The following NOX5 variants were observed in gnomAD, a reference collection of about 807,000 sequenced individuals.
The protein encoded by NOX5 is NADPH oxidase 5.
A neutral mutation model predicts 85.7 loss-of-function variants in NOX5; 76 were observed. The ratio of observed to expected loss-of-function variants is 0.89; its 90% CI spans 0.74 to 1.07. The LOEUF (loss-of-function observed/expected upper bound fraction) is 1.07. Among genes scored for constraint, NOX5 ranks in the 50% least tolerant of loss-of-function variants. NOX5 has a pLI of 0.00. For missense variants in NOX5, 973 were observed against 999.5 expected (o/e 0.97, Z 0.36); for synonymous variants, 405 against 401.4 (o/e 1.01, Z -0.11).
chr15:69,045,795 C>G lies in NOX5; in HGVS notation c.1648-1027C>G, dbSNP rs117918211. ...CATTAGCCAGAATGGAAGGCTTTCT[C>G]GTTGCCATCAGAAGGACTAAAGAAA... is the stretch of plus-strand genomic sequence containing the variant. On this transcript the variant is annotated intron_variant, in intron 10 of 15. Coordinates refer to ENST00000388866, the MANE Select transcript of NOX5 (RefSeq NM_024505.4). Among the ~76,000 whole-genome samples, 5 of 152,050 alleles carry G rather than the reference C, an allele frequency of 3.3e-5. 1 individual carries two copies. In the South Asian group the frequency reaches 1.0e-3, roughly 32 times the overall value.
At position 69,033,238 on chromosome 15, in the gene NOX5, C is replaced by CTG; in HGVS notation, c.817_818dup (p.Gly274AlafsTer15). On this transcript the variant is annotated frameshift_variant, in exon 5 of 16. Transcript: ENST00000388866. LOFTEE classifies it high-confidence loss of function. ...GCGCCAGCGTCATGGTGGCCAAGGGCTGCGGCCAGTGCCTCAACTTCGACT... is the reference window on the plus strand; with the variant it reads ...GCGCCAGCGTCATGGTGGCCAAGGGCTGTGCGGCCAGTGCCTCAACTTCGACT... 1 of 1,597,986 alleles carries CTG rather than the reference C, an allele frequency of 6.3e-7. No individual in the cohort carries two copies. The highest frequency in any genetic ancestry group is 8.5e-7 in the Non-Finnish European group (1 of 1,179,246).
intron 14 of NOX5, among the ~76,000 whole-genome samples, chr15:69,053,341 G>A (rs1314516646): frequency 1.3e-5 from 2 of 152,194 alleles, no homozygotes; most frequent in African/African-American, 4.8e-5. Flanking sequence ...GTCATCTGCA[G>A]AACACATAGA....
At chr15:69,028,122 A>T in intron 2 of NOX5, 93 bp from the exon 3 acceptor site, 1 of 1,376,496 alleles carries the variant, frequency 7.3e-7, no homozygotes, top group Non-Finnish European at 9.8e-7. Flanking sequence ...GCACCCCCCC[A>T]CCACCACCCC....
In NOX5 at chr15:69,040,601, A is replaced by G. The variant is rs149602853; in HGVS notation, c.1504+1612A>G. Among the ~76,000 whole-genome samples, 376 of 152,252 alleles carry G rather than the reference A, an allele frequency of 2.5e-3. 1 individual carries two copies. The highest frequency in any genetic ancestry group is 8.8e-3 in the African/African-American group (364 of 41,538). ...GGTATTCCAGTGTGTGGATACTAAT[A>G]TGGTTATTGACTATTATTAATATTA... On this transcript the variant is annotated intron_variant, in intron 9 of 15. Coordinates refer to ENST00000388866, the MANE Select transcript of NOX5 (RefSeq NM_024505.4).
chr15:69,056,713 T>A lies in NOX5; in HGVS notation c.*17T>A. The A allele has an allele frequency of 6.2e-7, 1 of 1,612,870 alleles. No individual in the cohort carries two copies. Among genetic ancestry groups the A allele is most frequent in the Non-Finnish European group, 8.5e-7 (1 of 1,179,714 alleles). On this transcript the variant is annotated 3_prime_UTR_variant, in exon 16 of 16. Coordinates refer to ENST00000388866, the MANE Select transcript of NOX5 (RefSeq NM_024505.4). ...AATTTCTAGCCTCACCTCTCCAAGC[T>A]CTGCCCCAAGTCCACACCATGGGTC...
intron 3 of NOX5, chr15:69,029,437 G>A (rs143597777): frequency 5.9e-5 from 9 of 152,212 alleles, no homozygotes; most frequent in Non-Finnish European, 1.2e-4. Flanking sequence ...TTTAACTATC[G>A]TGATTAATGC....
chr15:69,031,916 C>T, intron 4 of NOX5, 104 bp downstream of exon 4: 1 of 1,226,086 alleles, frequency 8.2e-7, no homozygotes, highest in Non-Finnish European at 1.1e-6. Flanking sequence ...CTACCCCGCC[C>T]TGCCCCGCCC....
chr15:69,031,305 A>G (rs889059034), intron 3 of NOX5: 52 of 581,888 alleles, frequency 8.9e-5, no homozygotes, highest in African/African-American at 8.2e-4. Context: ...TTAGGGAGTT[A>G]CCGATTCTGG....
At chr15:69,023,793 T>C in intron 1 of NOX5, 1 of 182,520 alleles carries the variant, frequency 5.5e-6, no homozygotes, top group Non-Finnish European at 1.2e-5. Flanking sequence ...TGGTGACTTA[T>C]TTAGCACTGG....
In NOX5 at chr15:69,056,705, C is replaced by T. The variant is rs543479445; in HGVS notation, c.*9C>T. 8 of 1,613,172 alleles carry T rather than the reference C, an allele frequency of 5.0e-6. No individual in the cohort carries two copies. The African/African-American group carries it at 9.3e-5, about 19-fold the overall frequency. Reference sequence around the variant, plus strand: ...TCCAAGAGAATTTCTAGCCTCACCTCTCCAAGCTCTGCCCCAAGTCCACAC... The same window carrying T: ...TCCAAGAGAATTTCTAGCCTCACCTTTCCAAGCTCTGCCCCAAGTCCACAC... On this transcript the variant is annotated 3_prime_UTR_variant, in exon 16 of 16. Transcript: ENST00000388866.
chr15:69,048,203 T>C (rs2050700828), intron 13 of NOX5, among the ~76,000 whole-genome samples: 1 of 152,250 alleles, frequency 6.6e-6, no homozygotes, highest in Admixed American at 6.5e-5. Context: ...ACAGCCATGA[T>C]GCTACCTATC....
rs1232503412 is a variant in NOX5 at position 69,035,218 on chromosome 15, A to G, written c.856-136A>G. ...TATGAATCCAGGGAAGCAACAAGGC[A>G]TGGGGGCAGGGGACTTTGGTGAGTG... is the stretch of plus-strand genomic sequence containing the variant. On this transcript the variant is annotated intron_variant, in intron 5 of 15. Transcript: ENST00000388866. The G allele has an allele frequency of 7.9e-6, 7 of 881,256 alleles. No individual in the cohort carries two copies. In the African/African-American group the frequency reaches 1.2e-4, roughly 15 times the overall value. 54.6% of individuals were successfully genotyped at this position (881,256 alleles called of 1,614,324 possible). A position where few individuals can be genotyped will look rare whatever the true frequency, so the allele number is the denominator to read the frequency against.
At chr15:69,037,445 G>A (rs2050536909) in intron 8 of NOX5, 2 of 532,978 alleles carry the variant, frequency 3.8e-6, no homozygotes, top group Non-Finnish European at 6.7e-6. Context: ...TCCGATTTTG[G>A]GGAGAACAGT....
In NOX5 at chr15:69,035,937, G is replaced by A. The variant is rs779540760; in HGVS notation, c.1188+1G>A. On this transcript the variant is annotated splice_donor_variant, in intron 7 of 15. Coordinates refer to ENST00000388866, the MANE Select transcript of NOX5 (RefSeq NM_024505.4). LOFTEE classifies it high-confidence loss of function. ...CATCCGCAGGAGTGGCCACTTTGAG[G>A]TGCCCCAGTTGCTGCCCTTTTGCTT... is the stretch of plus-strand genomic sequence containing the variant. 19 of 1,613,858 alleles carry A rather than the reference G, an allele frequency of 1.2e-5. No homozygotes were observed. The Admixed American group carries it at 2.0e-4, about 17-fold the overall frequency.
intron 14 of NOX5, among the ~76,000 whole-genome samples, chr15:69,051,895 G>C (rs1468365041): frequency 6.6e-6 from 1 of 151,562 alleles, no homozygotes; most frequent in African/African-American, 2.4e-5. Context: ...GTCATTAACT[G>C]TTTGGTCCCT....
intron 3 of NOX5, chr15:69,029,795 T>G (rs1040933973): frequency 6.6e-6 from 1 of 152,058 alleles, no homozygotes; most frequent in African/African-American, 2.4e-5. Context: ...TTCTCCAGCC[T>G]CAGTCTCCCG....
intron 1 of NOX5, among the ~76,000 whole-genome samples, chr15:69,017,678 C>T (rs1314133443): frequency 6.6e-6 from 1 of 152,002 alleles, no homozygotes; most frequent in African/African-American, 2.4e-5. Context: ...CTCAGGATAG[C>T]TTGAGGGCTG....
chr15:69,028,004 A>C (rs952456051), intron 2 of NOX5, among the ~76,000 whole-genome samples: 1 of 152,188 alleles, frequency 6.6e-6, no homozygotes, highest in African/African-American at 2.4e-5. Flanking sequence ...CCTGAAGTCC[A>C]AACCAAGCCC....
At position 69,056,735 on chromosome 15, in the gene NOX5, G is replaced by T. The variant is rs1349970734; in HGVS notation, c.*39G>T. The T allele has an allele frequency of 6.2e-7, 1 of 1,608,984 alleles. No homozygotes were observed. The highest frequency in any genetic ancestry group is 2.2e-5 in the East Asian group (1 of 44,846). ...AGCTCTGCCCCAAGTCCACACCATG[G>T]GTCTGCTTCATTGCATTAGTATAAA... On this transcript the variant is annotated 3_prime_UTR_variant, in exon 16 of 16. Transcript: ENST00000388866.
Sources: gnomAD v4.1 joint callset for allele counts (sites outside exome capture counted in the v4.1 genomes callset) on GRCh38, gnomAD v4.1.1 for gene constraint, MANE v1.5 for transcripts, NCBI Gene and HGNC (gene_info 2026-07-23, HGNC 2026-07-21) for gene names.